The following RFX4 variants were observed in gnomAD, a reference collection of about 807,000 sequenced individuals.
RFX4 encodes the protein regulatory factor X4.
In RFX4, 10 loss-of-function variants were observed where a neutral mutation model predicts 95.0. That is an observed-to-expected ratio of 0.11 (90% confidence interval 0.06 to 0.18). The LOEUF (loss-of-function observed/expected upper bound fraction) is 0.18, where lower values mean the gene tolerates loss of function less well. Ranked by LOEUF, RFX4 falls within the 10% of genes least tolerant of loss-of-function variation. RFX4 has a pLI of 1.00. For missense variants in RFX4, 640 were observed against 922.0 expected (o/e 0.69, Z 3.96); for synonymous variants, 321 against 340.7 (o/e 0.94, Z 0.64).
chr12:106,749,547 A>G (rs2042960645), intron 16 of RFX4, among the ~76,000 whole-genome samples: 1 of 152,224 alleles, frequency 6.6e-6, no homozygotes, highest in African/African-American at 2.4e-5. Flanking sequence ...ACACATTTAG[A>G]ATAGACTCTG....
At chr12:106,729,178 A>G (rs2042562102) in intron 13 of RFX4, among the ~76,000 whole-genome samples, 1 of 152,208 alleles carries the variant, frequency 6.6e-6, no homozygotes, top group Admixed American at 6.5e-5. Flanking sequence ...TTGGATTTTT[A>G]TCATCCAAGC....
chr12:106,643,783 G>A (rs902488216), intron 3 of RFX4, among the ~76,000 whole-genome samples: 9 of 150,386 alleles, frequency 6.0e-5, no homozygotes, highest in Non-Finnish European at 1.3e-4. Flanking sequence ...CTTTTATTTT[G>A]TTTACACAAG....
In RFX4 at chr12:106,762,275, A is replaced by G. The variant is rs1461172401; in HGVS notation, c.*806A>G. 6.6e-6 allele frequency: 1 copy of G among 152,374 alleles called. No individual in the cohort carries two copies. The highest frequency in any genetic ancestry group is 2.4e-5 in the African/African-American group (1 of 41,368). 9.4% of individuals were successfully genotyped at this position (152,374 alleles called of 1,614,324 possible). A position where few individuals can be genotyped will look rare whatever the true frequency, so the allele number is the denominator to read the frequency against. ...TTTTTTAAGTTCTATGAGAATGTGGATTTATGGCATTGAGTATCACACTCA... is the reference window on the plus strand; with the variant it reads ...TTTTTTAAGTTCTATGAGAATGTGGGTTTATGGCATTGAGTATCACACTCA... On this transcript the variant is annotated 3_prime_UTR_variant, in exon 18 of 18. Transcript: ENST00000392842.
chr12:106,599,665 T>C (rs2039671299), intron 1 of RFX4, among the ~76,000 whole-genome samples: 1 of 152,130 alleles, frequency 6.6e-6, no homozygotes, highest in South Asian at 2.1e-4. Flanking sequence ...GTGAACACAG[T>C]TAACTGGAAA....
At chr12:106,592,250 T>C (rs2039559180) in intron 1 of RFX4, among the ~76,000 whole-genome samples, 1 of 152,182 alleles carries the variant, frequency 6.6e-6, no homozygotes, top group Admixed American at 6.5e-5. Flanking sequence ...GATGTGCTTG[T>C]ACTATGTAGA....
chr12:106,589,471 G>A (rs1366110904), intron 1 of RFX4, among the ~76,000 whole-genome samples: 1 of 152,198 alleles, frequency 6.6e-6, no homozygotes, highest in Non-Finnish European at 1.5e-5. Flanking sequence ...CCATGTATCA[G>A]CTCTGTAACA....
chr12:106,583,490 G>T (rs901196069), intron 1 of RFX4, 127 bp downstream of exon 1: 17 of 809,926 alleles, frequency 2.1e-5, no homozygotes, highest in Non-Finnish European at 3.1e-5. Context: ...AAAGAATAAC[G>T]CAGAGCTTGC....
intron 2 of RFX4, among the ~76,000 whole-genome samples, chr12:106,609,889 C>A (rs2039922697): frequency 6.6e-6 from 1 of 151,974 alleles, no homozygotes; most frequent in South Asian, 2.1e-4. Flanking sequence ...CCGTTTTTGC[C>A]TGCTTTTAAA....
intron 7 of RFX4, among the ~76,000 whole-genome samples, chr12:106,695,418 C>A (rs2041861496): frequency 6.6e-6 from 1 of 152,184 alleles, no homozygotes; most frequent in South Asian, 2.1e-4. Context: ...ACCCCCTATT[C>A]TACTCAACTT....
intron 1 of RFX4, 183 bp downstream of exon 1, chr12:106,583,546 G>A (rs1050281563): frequency 4.9e-5 from 26 of 531,320 alleles, no homozygotes; most frequent in Non-Finnish European, 8.0e-5. Flanking sequence ...ATGCGTGGAA[G>A]TATGTGTATA....
At chr12:106,718,006 G>A (rs939018307) in intron 11 of RFX4, among the ~76,000 whole-genome samples, 34 of 152,204 alleles carry the variant, frequency 2.2e-4, no homozygotes, top group African/African-American at 7.2e-4. Context: ...GATCTCAGCC[G>A]GCAATGCTCA....
chr12:106,695,425 A>G (rs964229119), intron 7 of RFX4, among the ~76,000 whole-genome samples: 19 of 152,194 alleles, frequency 1.2e-4, no homozygotes, highest in Middle Eastern at 3.4e-3. Flanking sequence ...ATTCTACTCA[A>G]CTTCTAATCC....
chr12:106,703,223 T>C (rs1164528088), intron 8 of RFX4, among the ~76,000 whole-genome samples: 1 of 152,186 alleles, frequency 6.6e-6, no homozygotes, highest in Non-Finnish European at 1.5e-5. Flanking sequence ...AGCTCTCTAA[T>C]GGTTTAAAGA....
chr12:106,665,058 C>T (rs1326263009), intron 4 of RFX4, among the ~76,000 whole-genome samples: 1 of 151,822 alleles, frequency 6.6e-6, no homozygotes, highest in Non-Finnish European at 1.5e-5. Flanking sequence ...TTCTGCCTTA[C>T]TGATTTCCAT....
At chr12:106,629,635 C>A (rs912112960) in intron 2 of RFX4, among the ~76,000 whole-genome samples, 2 of 152,106 alleles carry the variant, frequency 1.3e-5, no homozygotes, top group Non-Finnish European at 2.9e-5. Flanking sequence ...GTGTGCACCA[C>A]CATGCCTGGC....
At chr12:106,622,526 T>G (rs1731908539) in intron 2 of RFX4, among the ~76,000 whole-genome samples, 1 of 152,186 alleles carries the variant, frequency 6.6e-6, no homozygotes, top group African/African-American at 2.4e-5. Flanking sequence ...AAGAGGTGGC[T>G]TATGATTATG....
chr12:106,714,845 T>C (rs1488993893), intron 10 of RFX4: 1 of 152,402 alleles, frequency 6.6e-6, no homozygotes, highest in African/African-American at 2.4e-5. Context: ...ATTATTCATG[T>C]ATGTTTTAAT....
chr12:106,603,170 T>C (rs1181855188), intron 1 of RFX4, among the ~76,000 whole-genome samples: 1 of 152,108 alleles, frequency 6.6e-6, no homozygotes, highest in African/African-American at 2.4e-5. Flanking sequence ...ATTACCTGGC[T>C]CTTGATAACC....
intron 8 of RFX4, among the ~76,000 whole-genome samples, chr12:106,702,671 A>G (rs1381390285): frequency 6.6e-6 from 1 of 152,208 alleles, no homozygotes; most frequent in South Asian, 2.1e-4. Flanking sequence ...TTGCAGAGAC[A>G]AAACTCTAGT....
Sources: gnomAD v4.1 joint callset for allele counts (sites outside exome capture counted in the v4.1 genomes callset) on GRCh38, gnomAD v4.1.1 for gene constraint, MANE v1.5 for transcripts, NCBI Gene and HGNC (gene_info 2026-07-23, HGNC 2026-07-21) for gene names.